UQCRC2: variants seen among roughly 807,000 people sequenced by gnomAD.
UQCRC2 encodes the protein cytochrome b-c1 complex subunit 2, mitochondrial.
Under a neutral mutation model 55.6 loss-of-function variants are expected in UQCRC2, and 49 were observed. The ratio of observed to expected loss-of-function variants is 0.88; its 90% CI spans 0.70 to 1.12. The LOEUF is 1.12. Among genes scored for constraint, UQCRC2 ranks in the 50% most tolerant of loss-of-function variants. The probability of loss-of-function intolerance (pLI) is 0.00; values close to 1 mark genes in which losing one functional copy is unlikely to be tolerated. For missense variants in UQCRC2, 506 were observed against 547.8 expected, an observed-to-expected ratio of 0.92 and a Z score of 0.76; for synonymous variants, 193 against 192.0, an observed-to-expected ratio of 1.01 and a Z score of -0.04.
At chr16:21,974,999 A>G (rs1264191207) in intron 11 of UQCRC2, among the ~76,000 whole-genome samples, 2 of 152,356 alleles carry the variant, frequency 1.3e-5, no homozygotes. Context: ...TATTCGCTGT[A>G]GTGTAGATGT....
chr16:21,965,475 C>G lies in UQCRC2; in HGVS notation c.582C>G (p.Asp194Glu). The G allele has an allele frequency of 6.2e-7, 1 of 1,608,904 alleles. No homozygotes were observed. Among genetic ancestry groups the G allele is most frequent in the Non-Finnish European group, 8.5e-7 (1 of 1,178,610 alleles). ...TGGCTAATCCCTTGTATTGTCCTGA[C>G]TATAGGATTGGAAAAGTGACATCAG... ...NALANPLYCP[D>E]YRIGKVTSEE... The change falls in exon 7 of 14, where the codon GAC (aspartate) becomes GAG (glutamate). Residue 194 changes from aspartate (D) to glutamate (E), a missense_variant. Physicochemically the swap from Asp to Glu is conservative, Grantham distance 45. Coordinates refer to ENST00000268379, the MANE Select transcript of UQCRC2 (RefSeq NM_003366.4).
At chr16:21,962,967 G>T in intron 6 of UQCRC2, 82 bp downstream of exon 6, 1 of 1,470,920 alleles carries the variant, frequency 6.8e-7, no homozygotes, top group Non-Finnish European at 9.1e-7. Flanking sequence ...AAAAATTGCT[G>T]TCAAAATTTT....
At chr16:21,964,080 G>T (rs956030955) in intron 6 of UQCRC2, among the ~76,000 whole-genome samples, 3 of 152,168 alleles carry the variant, frequency 2.0e-5, no homozygotes, top group African/African-American at 7.2e-5. Flanking sequence ...AGCAGAAATA[G>T]CTCAACTCAG....
chr16:21,965,794 C>T (rs558960301), intron 7 of UQCRC2, among the ~76,000 whole-genome samples: 1 of 152,114 alleles, frequency 6.6e-6, no homozygotes, highest in Non-Finnish European at 1.5e-5. Context: ...TAAAGGCACT[C>T]AGTGTTAATA....
At position 21,972,075 on chromosome 16, in the gene UQCRC2, A is replaced by G; in HGVS notation, c.919A>G (p.Ser307Gly). Residue 307 changes from serine to glycine, a missense_variant, in exon 10 of 14, where the codon AGC becomes GGC. By Grantham distance (56) the Ser-to-Gly change is moderately conservative (BLOSUM62 0). Transcript: ENST00000268379. ...TGTCAAGAGGGGCAGCAACACCACC[A>G]GCCATCTGCACCAGGCTGTTGCCAA... ...PHVKRGSNTT[S>G]HLHQAVAKAT... 6.2e-7 allele frequency: 1 copy of G among 1,614,112 alleles called. No homozygotes were observed. The highest frequency in any genetic ancestry group is 1.1e-5 in the South Asian group (1 of 91,078).
At chr16:21,974,024 C>A in intron 11 of UQCRC2, 48 bp downstream of exon 11, 1 of 1,465,722 alleles carries the variant, frequency 6.8e-7, no homozygotes. Flanking sequence ...GTTATTTCTC[C>A]CCCCCGCCAT....
intron 13 of UQCRC2, 147 bp downstream of exon 13, chr16:21,980,847 C>A: frequency 1.1e-6 from 1 of 882,554 alleles, no homozygotes. Context: ...AGGGCTCATT[C>A]CCATAAGATC....
At chr16:21,973,841 C>T (rs762524651) in intron 10 of UQCRC2, 55 bp from the exon 11 acceptor site, 26 of 1,520,318 alleles carry the variant, frequency 1.7e-5, no homozygotes, top group South Asian at 4.7e-5. Context: ...TTAAAGAAAT[C>T]GTGCCCTGTT....
chr16:21,966,017 A>G (rs982184925), intron 7 of UQCRC2, among the ~76,000 whole-genome samples: 2 of 152,002 alleles, frequency 1.3e-5, no homozygotes, highest in African/African-American at 4.8e-5. Flanking sequence ...TTAAATGTTT[A>G]AGTATCATAA....
At chr16:21,972,487 G>C (rs1431073363) in intron 10 of UQCRC2, among the ~76,000 whole-genome samples, 1 of 152,112 alleles carries the variant, frequency 6.6e-6, no homozygotes, top group Non-Finnish European at 1.5e-5. Context: ...GTTACTTCCT[G>C]AATCTCACTA....
chr16:21,976,322 A>G (rs1262731608), intron 12 of UQCRC2, 79 bp downstream of exon 12: 5 of 1,233,518 alleles, frequency 4.1e-6, no homozygotes, highest in African/African-American at 3.0e-5. Context: ...CAATATTACA[A>G]TCTATGCTCA....
chr16:21,976,503 G>A, intron 12 of UQCRC2: 1 of 356,390 alleles, frequency 2.8e-6, no homozygotes, highest in Admixed American at 4.4e-5. Flanking sequence ...ACCAGCTTGG[G>A]CAACATAGCA....
At chr16:21,965,605 C>A in intron 7 of UQCRC2, 100 bp downstream of exon 7, 3 of 1,027,312 alleles carry the variant, frequency 2.9e-6, no homozygotes, top group Non-Finnish European at 2.7e-6. Context: ...TATCTTCTAA[C>A]TTTAAGAAAT....
chr16:21,964,359 C>T (rs1165819991), intron 6 of UQCRC2, among the ~76,000 whole-genome samples: 2 of 152,082 alleles, frequency 1.3e-5, no homozygotes, highest in Non-Finnish European at 2.9e-5. Flanking sequence ...TCCAGGTTTA[C>T]GTCTTGAGTC....
intron 1 of UQCRC2, 34 bp downstream of exon 1, chr16:21,953,490 G>C (rs1898045249): frequency 6.2e-7 from 1 of 1,609,518 alleles, no homozygotes; most frequent in Admixed American, 1.7e-5. Context: ...GAAAGGGCTG[G>C]GGAGCAGTGT....
intron 7 of UQCRC2, among the ~76,000 whole-genome samples, chr16:21,967,712 C>A (rs1473350149): frequency 6.6e-6 from 1 of 152,044 alleles, no homozygotes; most frequent in East Asian, 1.9e-4. Flanking sequence ...GGGACAGTGA[C>A]CGTTTTTGTT....
intron 7 of UQCRC2, among the ~76,000 whole-genome samples, chr16:21,968,140 T>A (rs572135663): frequency 1.3e-5 from 2 of 152,012 alleles, no homozygotes; most frequent in Non-Finnish European, 2.9e-5. Context: ...TAGCTGGGAT[T>A]ACAGGCGTGC....
chr16:21,955,192 G>A (rs553896826), intron 1 of UQCRC2, among the ~76,000 whole-genome samples: 1 of 152,022 alleles, frequency 6.6e-6, no homozygotes, highest in Non-Finnish European at 1.5e-5. Flanking sequence ...TATCTTAAAA[G>A]TTTACTTTTT....
chr16:21,972,192 A>G, intron 10 of UQCRC2, 70 bp downstream of exon 10: 2 of 1,503,116 alleles, frequency 1.3e-6, no homozygotes, highest in Admixed American at 4.0e-5. Flanking sequence ...AATTCTGATA[A>G]TCTACTCTTA....
Sources: allele counts gnomAD v4.1 joint callset (sites outside exome capture counted in the v4.1 genomes callset), GRCh38; gene constraint gnomAD v4.1.1; transcripts MANE v1.5; gene names NCBI Gene and HGNC (gene_info 2026-07-23, HGNC 2026-07-21).